The following NAA15 variants were observed in gnomAD, a reference collection of about 807,000 sequenced individuals.
NAA15 encodes the protein N-terminal acetyltransferase.
In NAA15, 34 loss-of-function variants were observed where a neutral mutation model predicts 114.0. The observed-to-expected ratio is 0.30, with a 90% CI of 0.23 to 0.40. The LOEUF is 0.40. Ranked by LOEUF, NAA15 falls within the 10% of genes least tolerant of loss-of-function variation. The pLI is 1.00. For missense variants in NAA15, 658 were observed against 1,004.5 expected, an observed-to-expected ratio of 0.66 and a Z score of 4.66; for synonymous variants, 340 against 338.0, an observed-to-expected ratio of 1.01 and a Z score of -0.06.
chr4:139,360,331 GTAGT>G (rs938193217), intron 12 of NAA15, among the ~76,000 whole-genome samples, 165 bp from the exon 13 acceptor site: 1 of 152,070 alleles, frequency 6.6e-6, no homozygotes, highest in African/African-American at 2.4e-5. Context: ...ATTATTTTTA[GTAGT>G]TAGAGAATAT....
chr4:139,321,478 T>G lies in NAA15; in HGVS notation c.55-12696T>G, dbSNP rs1410695261. Among the ~76,000 whole-genome samples the G allele has an allele frequency of 5.4e-5, 8 of 149,078 alleles. No homozygotes were observed. The South Asian group carries it at 1.3e-3, about 24-fold the overall frequency. On this transcript the variant is annotated intron_variant, in intron 1 of 19. Coordinates refer to ENST00000296543, the MANE Select transcript of NAA15 (RefSeq NM_057175.5). ...AGTGCCTGGCCCTTATTTGTTTTTT[T>G]TTTTTTTTTTTGAAACGGAGTCTCG...
intron 15 of NAA15, among the ~76,000 whole-genome samples, chr4:139,376,154 C>G (rs971570963): frequency 6.6e-6 from 1 of 151,938 alleles, no homozygotes; most frequent in African/African-American, 2.4e-5. Context: ...TTCTATCCAG[C>G]AATAATAAAG....
intron 1 of NAA15, among the ~76,000 whole-genome samples, chr4:139,308,559 C>A (rs913980397): frequency 1.3e-5 from 2 of 152,178 alleles, no homozygotes; most frequent in Non-Finnish European, 2.9e-5. Context: ...AAAGTTTGGT[C>A]TGTTCTGAAA....
chr4:139,386,579 C>T, intron 19 of NAA15: 1 of 163,722 alleles, frequency 6.1e-6, no homozygotes, highest in Non-Finnish European at 1.3e-5. Flanking sequence ...GCCTATATTC[C>T]CAGCACTTTG....
chr4:139,354,323 T>C (rs1221658916), intron 10 of NAA15, among the ~76,000 whole-genome samples: 1 of 152,132 alleles, frequency 6.6e-6, no homozygotes, highest in African/African-American at 2.4e-5. Flanking sequence ...TTTTGAGACA[T>C]GATCTTGCTC....
chr4:139,365,323 C>A (rs1748247954), intron 14 of NAA15, among the ~76,000 whole-genome samples: 1 of 151,694 alleles, frequency 6.6e-6, no homozygotes, highest in Non-Finnish European at 1.5e-5. Context: ...CAGGTGTGAG[C>A]CACCACATGC....
At chr4:139,320,547 G>A (rs903387772) in intron 1 of NAA15, among the ~76,000 whole-genome samples, 1 of 152,104 alleles carries the variant, frequency 6.6e-6, no homozygotes, top group African/African-American at 2.4e-5. Flanking sequence ...TTGACACGGA[G>A]TCTCACTCTG....
chr4:139,353,508 G>A (rs1747849399), intron 9 of NAA15, among the ~76,000 whole-genome samples: 1 of 152,190 alleles, frequency 6.6e-6, no homozygotes, highest in African/African-American at 2.4e-5. Flanking sequence ...GAGTAGTATA[G>A]TCAAGACTCA....
At chr4:139,376,512 C>A in intron 16 of NAA15, 39 bp downstream of exon 16, 1 of 1,219,818 alleles carries the variant, frequency 8.2e-7, no homozygotes, top group South Asian at 1.2e-5. Context: ...CAAAACTGAT[C>A]ACTGTATTTC....
At chr4:139,311,538 A>G (rs1037973248) in intron 1 of NAA15, among the ~76,000 whole-genome samples, 1 of 151,916 alleles carries the variant, frequency 6.6e-6, no homozygotes, top group African/African-American at 2.4e-5. Context: ...GAATTATAGT[A>G]TTTGTTTATA....
intron 15 of NAA15, among the ~76,000 whole-genome samples, chr4:139,376,131 C>CTTT (rs1419503941): frequency 6.6e-6 from 1 of 152,018 alleles, no homozygotes; most frequent in Non-Finnish European, 1.5e-5. Flanking sequence ...CTACTTCCTT[C>CTTT]TTTTTGGATA....
chr4:139,336,279 A>G (rs1747197963), intron 2 of NAA15, among the ~76,000 whole-genome samples: 1 of 152,178 alleles, frequency 6.6e-6, no homozygotes, highest in Admixed American at 6.5e-5. Flanking sequence ...TGAAAACTTA[A>G]TATTTCTTTT....
At chr4:139,310,471 AT>A (rs1413365392) in intron 1 of NAA15, among the ~76,000 whole-genome samples, 1 of 150,010 alleles carries the variant, frequency 6.7e-6, no homozygotes, top group Non-Finnish European at 1.5e-5. Context: ...AAAAAAAAAC[AT>A]TTTTGGACAT....
chr4:139,385,752 G>T (rs927713527), intron 18 of NAA15, among the ~76,000 whole-genome samples: 8 of 152,112 alleles, frequency 5.3e-5, no homozygotes, highest in Admixed American at 5.2e-4. Flanking sequence ...TGTTGAGATA[G>T]GATAGTCCCC....
chr4:139,363,347 A>G (rs1340672742), intron 14 of NAA15, among the ~76,000 whole-genome samples: 4 of 152,224 alleles, frequency 2.6e-5, no homozygotes, highest in Non-Finnish European at 5.9e-5. Flanking sequence ...TCATTCCAGC[A>G]ATTATCCCTG....
At chr4:139,308,354 G>A (rs1302376894) in intron 1 of NAA15, among the ~76,000 whole-genome samples, 1 of 152,166 alleles carries the variant, frequency 6.6e-6, no homozygotes, top group Non-Finnish European at 1.5e-5. Flanking sequence ...AGCTTCAGTT[G>A]CTGATGAAAT....
chr4:139,376,511 T>A (rs1748586200), intron 16 of NAA15, 38 bp downstream of exon 16: 1 of 1,220,690 alleles, frequency 8.2e-7, no homozygotes, highest in African/African-American at 1.5e-5. Context: ...ACAAAACTGA[T>A]CACTGTATTT....
At chr4:139,341,096 T>C in intron 4 of NAA15, 27 bp downstream of exon 4, 1 of 1,424,090 alleles carries the variant, frequency 7.0e-7, no homozygotes, top group African/African-American at 1.5e-5. Flanking sequence ...CTTTTTTTTT[T>C]AATTCTAAGG....
rs368366623 is a variant in NAA15 at position 139,349,602 on chromosome 4, C to T, written c.811+21C>T. On this transcript the variant is annotated intron_variant, in intron 7 of 19. Transcript: ENST00000296543. The stretch of plus-strand genomic sequence containing the variant: ...GCCAGGTAGTATTGTTTAAAACTTA[C>T]TAAGTTTTATTGTTTCTTTTGTTAA... 4.4e-6 allele frequency: 7 copies of T among 1,575,912 alleles called. No individual in the cohort carries two copies. In the African/African-American group the frequency reaches 9.6e-5, roughly 22 times the overall value.
Sources: allele counts gnomAD v4.1 joint callset (sites outside exome capture counted in the v4.1 genomes callset), GRCh38; gene constraint gnomAD v4.1.1; transcripts MANE v1.5; gene names NCBI Gene and HGNC (gene_info 2026-07-23, HGNC 2026-07-21).